RNF220: variants seen among roughly 807,000 people sequenced by gnomAD.
RNF220 encodes ring finger protein 220.
In RNF220, 7 loss-of-function variants were observed where a neutral mutation model predicts 67.1. The ratio of observed to expected loss-of-function variants is 0.10; its 90% confidence interval spans 0.06 to 0.20. The LOEUF (loss-of-function observed/expected upper bound fraction) is 0.20. Among genes scored for constraint, RNF220 ranks in the 10% least tolerant of loss-of-function variants. The probability of loss-of-function intolerance (pLI) is 1.00; values close to 1 mark genes in which losing one functional copy is unlikely to be tolerated. For missense variants in RNF220, 565 were observed against 740.3 expected (o/e 0.76, Z 2.75); for synonymous variants, 270 against 283.2 (o/e 0.95, Z 0.47).
At chr1:44,553,797 G>A (rs1662859264) in intron 2 of RNF220, among the ~76,000 whole-genome samples, 1 of 152,174 alleles carries the variant, frequency 6.6e-6, no homozygotes, top group Non-Finnish European at 1.5e-5. Context: ...TTTAAGGAAA[G>A]GACGATTTAT....
intron 2 of RNF220, among the ~76,000 whole-genome samples, chr1:44,525,540 C>T (rs1660303774): frequency 6.6e-6 from 1 of 152,228 alleles, no homozygotes; most frequent in African/African-American, 2.4e-5. Context: ...TAGCAAGTGA[C>T]TTTTGCTGAT....
At chr1:44,629,385 G>C (rs1177971171) in intron 5 of RNF220, among the ~76,000 whole-genome samples, 1 of 152,214 alleles carries the variant, frequency 6.6e-6, no homozygotes, top group Non-Finnish European at 1.5e-5. Flanking sequence ...ACTAGACTTG[G>C]AGTTTCTCCA....
intron 2 of RNF220, among the ~76,000 whole-genome samples, chr1:44,463,849 A>G (rs547081380): frequency 6.6e-6 from 1 of 152,306 alleles, no homozygotes; most frequent in African/African-American, 2.4e-5. Context: ...TCCTCATTCT[A>G]GACTCACCCT....
At chr1:44,648,406 T>C (rs1193539528) in intron 12 of RNF220, 1 of 152,224 alleles carries the variant, frequency 6.6e-6, no homozygotes, top group Admixed American at 6.5e-5. Flanking sequence ...GTATTATCAT[T>C]ATTATTCCCT....
intron 3 of RNF220, among the ~76,000 whole-genome samples, chr1:44,619,701 G>A (rs1201486743): frequency 6.6e-6 from 1 of 152,184 alleles, no homozygotes; most frequent in African/African-American, 2.4e-5. Context: ...GGGGCGGGCT[G>A]TGGAAATAGG....
chr1:44,464,830 GCTCTCCTTGT>G (rs1654121805), intron 2 of RNF220, among the ~76,000 whole-genome samples: 1 of 152,050 alleles, frequency 6.6e-6, no homozygotes, highest in Non-Finnish European at 1.5e-5. Context: ...CCTACTAACT[GCTCTCCTTGT>G]CTCTGGTCTC....
chr1:44,594,531 C>T (rs904104763), intron 2 of RNF220, among the ~76,000 whole-genome samples: 1 of 152,194 alleles, frequency 6.6e-6, no homozygotes, highest in African/African-American at 2.4e-5. Flanking sequence ...TTGCTCTTTT[C>T]CTTTGTCTGG....
Position 44,412,704 on chromosome 1 carries a change from G to C in RNF220, c.607G>C (p.Glu203Gln). The C allele has an allele frequency of 6.2e-7, 1 of 1,614,074 alleles. No homozygotes were observed. The highest frequency in any genetic ancestry group is 1.3e-5 in the African/African-American group (1 of 75,036). ...ISDREASSSP[E>Q]DRNDRCKKKA... ...TGATCGGGAAGCCTCATCTAGCCCA[G>C]AGGATCGGAATGACAGATGTAAGTA... Residue 203 changes from glutamate (E) to glutamine (Q), a missense_variant, in exon 2 of 15, where the codon GAG (glutamate) becomes CAG (glutamine). Coordinates refer to ENST00000361799, the MANE Select transcript of RNF220 (RefSeq NM_018150.4). This position sits in a 1 kb window ranked among gnomAD's most constrained non-coding sequence, Gnocchi z 5.3.
At position 44,636,018 on chromosome 1, in the gene RNF220, T is replaced by G. The variant is rs369143796; in HGVS notation, c.994-12T>G. On this transcript the variant is annotated splice_polypyrimidine_tract_variant and intron_variant, in intron 7 of 14. Coordinates refer to ENST00000361799, the MANE Select transcript of RNF220 (RefSeq NM_018150.4). ...GCCTGGGCCCAGCATGATCCTGCTC[T>G]GCTCTTCACAGAGGGAAGGCTCCTG... 9 of 1,614,086 alleles carry G rather than the reference T, an allele frequency of 5.6e-6. 1 individual carries two copies. Among genetic ancestry groups the G allele is most frequent in the South Asian group, 5.5e-5 (5 of 91,090 alleles).
chr1:44,620,403 G>C (rs12133287), intron 3 of RNF220, among the ~76,000 whole-genome samples: 3,684 of 152,314 alleles, frequency 0.024, 67 homozygotes, highest in Non-Finnish European at 0.036. Context: ...TCCTAGGCCA[G>C]GTAGAGCAAG....
intron 2 of RNF220, among the ~76,000 whole-genome samples, chr1:44,426,139 G>A (rs575085008): frequency 7.4e-4 from 112 of 152,226 alleles, no homozygotes; most frequent in East Asian, 1.3e-3. Context: ...AGCAAAGCTC[G>A]GAGCATCTTT....
chr1:44,597,468 G>GCACACACACACACACACA (rs56375404), intron 2 of RNF220, among the ~76,000 whole-genome samples: 1 of 135,650 alleles, frequency 7.4e-6, no homozygotes, highest in Non-Finnish European at 1.6e-5. Flanking sequence ...TCTCTCTCAT[G>GCACACACACACACACACA]CACACACACA....
chr1:44,474,014 C>T (rs1655051655), intron 2 of RNF220, among the ~76,000 whole-genome samples: 1 of 152,008 alleles, frequency 6.6e-6, no homozygotes, highest in South Asian at 2.1e-4. Context: ...CTTCTGTATT[C>T]ACAGATTCCG....
At chr1:44,451,839 T>C (rs937816283) in intron 2 of RNF220, among the ~76,000 whole-genome samples, 2 of 152,180 alleles carry the variant, frequency 1.3e-5, no homozygotes, top group African/African-American at 2.4e-5. Context: ...CAGGCTGGTC[T>C]CAAACTCCTG....
intron 2 of RNF220, among the ~76,000 whole-genome samples, chr1:44,497,814 G>C (rs1572684406): frequency 6.6e-6 from 1 of 152,126 alleles, no homozygotes; most frequent in Admixed American, 6.5e-5. Context: ...CCCTTTTCTC[G>C]TGTCTCCCCT....
chr1:44,434,805 AT>A (rs888940577), intron 2 of RNF220, among the ~76,000 whole-genome samples: 6 of 151,616 alleles, frequency 4.0e-5, no homozygotes, highest in African/African-American at 2.4e-5. Context: ...TGAAAAGGCC[AT>A]TGCACAGTAG....
rs760293837 is a variant in RNF220, at chr1:44,621,918, G to A, written c.759-824G>A. 1.3e-5 allele frequency among the ~76,000 whole-genome samples: 2 copies of A among 152,198 alleles called. No individual in the cohort carries two copies. The highest frequency in any genetic ancestry group is 4.8e-5 in the African/African-American group (2 of 41,444). ...TGTGTGTGTGTGTGTGAGTGCACGCGCATGAATGTGCGAGCACAGATGTGG... is the reference window on the plus strand; with the variant it reads ...TGTGTGTGTGTGTGTGAGTGCACGCACATGAATGTGCGAGCACAGATGTGG... On this transcript the variant is annotated intron_variant, in intron 3 of 14. Coordinates refer to ENST00000361799, the MANE Select transcript of RNF220 (RefSeq NM_018150.4). This position sits in a 1 kb window ranked among gnomAD's most constrained non-coding sequence, Gnocchi z 4.8.
intron 2 of RNF220, among the ~76,000 whole-genome samples, chr1:44,613,695 G>A (rs1223757984): frequency 6.6e-6 from 1 of 152,156 alleles, no homozygotes; most frequent in East Asian, 1.9e-4. Context: ...TGACCAACAA[G>A]ATGAAATCCC....
In RNF220 at chr1:44,644,985, A is replaced by G. The variant is rs1173789128; in HGVS notation, c.1224-10A>G. The G allele has an allele frequency of 6.2e-7, 1 of 1,613,700 alleles. No individual in the cohort carries two copies. On this transcript the variant is annotated splice_polypyrimidine_tract_variant and intron_variant, in intron 9 of 14. Coordinates refer to ENST00000361799, the MANE Select transcript of RNF220 (RefSeq NM_018150.4). ...AAACTAGGATCCATTGTCCTTGACCACCATGCCAGATACACAGAGGCTGAT... is the reference window on the plus strand; with the variant it reads ...AAACTAGGATCCATTGTCCTTGACCGCCATGCCAGATACACAGAGGCTGAT...
Sources: allele counts gnomAD v4.1 joint callset (sites outside exome capture counted in the v4.1 genomes callset), GRCh38; gene constraint gnomAD v4.1.1; non-coding constraint Gnocchi (gnomAD v3.1); transcripts MANE v1.5; gene names NCBI Gene and HGNC (gene_info 2026-07-23, HGNC 2026-07-21).